The following CNTNAP2 variants were observed in gnomAD, a reference collection of about 807,000 sequenced individuals.
CNTNAP2 encodes the protein contactin-associated protein-like 2.
In CNTNAP2, 98 loss-of-function variants were observed where a neutral mutation model predicts 155.2. The observed-to-expected ratio is 0.63, with a 90% CI of 0.54 to 0.75. The LOEUF is 0.75. Among genes scored for constraint, CNTNAP2 ranks in the 30% least tolerant of loss-of-function variants. The pLI, the probability that CNTNAP2 is intolerant of heterozygous loss-of-function variation, is 0.00. For missense variants in CNTNAP2, 1,727 were observed against 1,688.1 expected (o/e 1.02, Z -0.40); for synonymous variants, 651 against 631.2 (o/e 1.03, Z -0.47).
At chr7:146,877,696 CT>C (rs1795458481) in intron 3 of CNTNAP2, among the ~76,000 whole-genome samples, 2 of 151,238 alleles carry the variant, frequency 1.3e-5, no homozygotes, top group Admixed American at 1.3e-4. Flanking sequence ...GACTTTTAAA[CT>C]TTTTTAGCAG....
intron 14 of CNTNAP2, among the ~76,000 whole-genome samples, chr7:147,920,802 TGTC>T (rs1464868110): frequency 1.4e-5 from 2 of 143,134 alleles, no homozygotes; most frequent in Non-Finnish European, 3.0e-5. Context: ...CTTCTGCTCC[TGTC>T]TTTTTTTTTT....
intron 2 of CNTNAP2, 115 bp downstream of exon 2, chr7:146,774,496 T>C (rs549173430): frequency 3.1e-5 from 22 of 716,300 alleles, no homozygotes; most frequent in Non-Finnish European, 9.7e-6. Flanking sequence ...CAGAAATCAC[T>C]CCTGCCACTT....
At chr7:147,331,992 C>T (rs1215052410) in intron 9 of CNTNAP2, among the ~76,000 whole-genome samples, 1 of 152,210 alleles carries the variant, frequency 6.6e-6, no homozygotes, top group Non-Finnish European at 1.5e-5. Context: ...AAGCTGTTCT[C>T]AGCTGCCCTC....
intron 21 of CNTNAP2, among the ~76,000 whole-genome samples, chr7:148,337,137 C>A (rs1798131018): frequency 6.6e-6 from 1 of 152,126 alleles, no homozygotes; most frequent in Admixed American, 6.5e-5. Context: ...ACACGGGGGA[C>A]ACTTCACATT....
chr7:147,935,166 C>T (rs531477960), intron 14 of CNTNAP2, among the ~76,000 whole-genome samples: 3 of 150,700 alleles, frequency 2.0e-5, no homozygotes, highest in South Asian at 2.1e-4. Context: ...CTCATTCTGT[C>T]GCCAGGCTGC....
At chr7:147,059,908 A>T (rs1799630426) in intron 4 of CNTNAP2, among the ~76,000 whole-genome samples, 1 of 152,104 alleles carries the variant, frequency 6.6e-6, no homozygotes, top group Admixed American at 6.6e-5. Context: ...GGTTATAATA[A>T]TAATTACTAT....
At chr7:146,523,422 T>C (rs1797643926) in intron 1 of CNTNAP2, among the ~76,000 whole-genome samples, 1 of 152,028 alleles carries the variant, frequency 6.6e-6, no homozygotes, top group Non-Finnish European at 1.5e-5. Flanking sequence ...TATAAAAGAG[T>C]GTCCATTTCC....
Position 147,007,456 on chromosome 7 carries a change from G to T in CNTNAP2, c.403-36451G>T, listed in dbSNP as rs112365658. Among the ~76,000 whole-genome samples the T allele has an allele frequency of 2.1e-3, 321 of 152,092 alleles. 1 individual carries two copies. Among genetic ancestry groups the T allele is most frequent in the Non-Finnish European group, 3.5e-3 (240 of 67,974 alleles). The stretch of plus-strand genomic sequence containing the variant: ...AATGCTTTTCTTCATACAAATAAAT[G>T]CAGTAACTTGTCATGAAATTTTAAA... On this transcript the variant is annotated intron_variant, in intron 3 of 23. Coordinates refer to ENST00000361727, the MANE Select transcript of CNTNAP2 (RefSeq NM_014141.6).
chr7:146,952,657 A>G (rs1464291468), intron 3 of CNTNAP2, among the ~76,000 whole-genome samples: 1 of 152,176 alleles, frequency 6.6e-6, no homozygotes, highest in Non-Finnish European at 1.5e-5. Flanking sequence ...GAGCCAAATC[A>G]TGAGTGAACT....
chr7:147,814,690 T>C (rs952380438), intron 13 of CNTNAP2, among the ~76,000 whole-genome samples: 3 of 152,182 alleles, frequency 2.0e-5, no homozygotes, highest in African/African-American at 7.2e-5. Flanking sequence ...CCATGTAAAA[T>C]GCATGTAGTT....
chr7:148,071,366 G>A (rs1803378815), intron 15 of CNTNAP2, among the ~76,000 whole-genome samples: 1 of 152,186 alleles, frequency 6.6e-6, no homozygotes, highest in South Asian at 2.1e-4. Flanking sequence ...TGTAATCCCA[G>A]CTACTCTGGA....
chr7:147,839,674 C>G (rs564835216), intron 13 of CNTNAP2, among the ~76,000 whole-genome samples: 1 of 152,250 alleles, frequency 6.6e-6, no homozygotes, highest in South Asian at 2.1e-4. Flanking sequence ...ACCAAAATGT[C>G]TCCTGAAGAT....
At chr7:147,199,760 A>T (rs1361991895) in intron 8 of CNTNAP2, among the ~76,000 whole-genome samples, 3 of 152,082 alleles carry the variant, frequency 2.0e-5, no homozygotes, top group Non-Finnish European at 4.4e-5. Flanking sequence ...AAAGCAGAGG[A>T]TATACAGAAA....
intron 9 of CNTNAP2, among the ~76,000 whole-genome samples, chr7:147,375,541 G>A (rs2620483): frequency 6.6e-6 from 1 of 151,994 alleles, no homozygotes; most frequent in South Asian, 2.1e-4. Flanking sequence ...GCTGCCTTGA[G>A]TGGTGTAGGG....
chr7:146,721,608 CTATA>C (rs1179065302), intron 1 of CNTNAP2, among the ~76,000 whole-genome samples: 4 of 85,758 alleles, frequency 4.7e-5, no homozygotes, highest in Non-Finnish European at 7.7e-5. Context: ...TATATACATT[CTATA>C]TATATATTCT....
At chr7:148,330,396 G>A (rs1797968369) in intron 21 of CNTNAP2, among the ~76,000 whole-genome samples, 2 of 151,728 alleles carry the variant, frequency 1.3e-5, no homozygotes, top group African/African-American at 2.4e-5. Context: ...CGGATAGAGT[G>A]GAGGGATGGA....
At chr7:147,689,583 G>A (rs760151139) in intron 13 of CNTNAP2, among the ~76,000 whole-genome samples, 55 of 152,000 alleles carry the variant, frequency 3.6e-4, no homozygotes, top group Admixed American at 5.2e-4. Flanking sequence ...ATCTTCATTT[G>A]TTATTGCGTT....
At chr7:146,677,556 A>G (rs1445892843) in intron 1 of CNTNAP2, among the ~76,000 whole-genome samples, 1 of 152,144 alleles carries the variant, frequency 6.6e-6, no homozygotes. Flanking sequence ...TTTGGTTTAC[A>G]TATCCAATAG....
intron 13 of CNTNAP2, among the ~76,000 whole-genome samples, chr7:147,738,653 T>TG (rs1796899870): frequency 1.8e-5 from 1 of 56,014 alleles, no homozygotes; most frequent in Non-Finnish European, 3.6e-5. Flanking sequence ...AACATAACTT[T>TG]TTTTTTTTAT....
Sources: gnomAD v4.1 joint callset for allele counts (sites outside exome capture counted in the v4.1 genomes callset) on GRCh38, gnomAD v4.1.1 for gene constraint, MANE v1.5 for transcripts, NCBI Gene and HGNC (gene_info 2026-07-23, HGNC 2026-07-21) for gene names.